TMED5: variants seen among roughly 807,000 people sequenced by gnomAD.
TMED5 encodes the protein transmembrane emp24 domain-containing protein 5.
A neutral mutation model predicts 23.0 loss-of-function variants in TMED5; 27 were observed. The ratio of observed to expected loss-of-function variants is 1.17; its 90% confidence interval spans 0.86 to 1.62. The LOEUF (loss-of-function observed/expected upper bound fraction) is 1.62, where lower values mean the gene tolerates loss of function less well. Ranked by LOEUF, TMED5 falls within the 40% of genes most tolerant of loss-of-function variation. The probability of loss-of-function intolerance (pLI) is 0.00; values close to 1 mark genes in which losing one functional copy is unlikely to be tolerated. For synonymous variants in TMED5, 97 were observed against 100.8 expected (o/e 0.96, Z 0.23); for missense variants, 248 against 273.7 (o/e 0.91, Z 0.66).
At chr1:93,159,919 C>T (rs887246713) in intron 2 of TMED5, among the ~76,000 whole-genome samples, 5 of 152,078 alleles carry the variant, frequency 3.3e-5, no homozygotes, top group African/African-American at 1.2e-4. Flanking sequence ...AAAAATTTAG[C>T]CTGGATCAAA....
chr1:93,176,749 T>C (rs1056088642), intron 1 of TMED5, among the ~76,000 whole-genome samples: 1 of 152,206 alleles, frequency 6.6e-6, no homozygotes, highest in Admixed American at 6.5e-5. Flanking sequence ...CAGGCTGGTG[T>C]GAAACGCCTG....
chr1:93,160,321 C>T, intron 1 of TMED5, 95 bp from the exon 2 acceptor site: 2 of 683,136 alleles, frequency 2.9e-6, no homozygotes, highest in East Asian at 5.5e-5. Context: ...ATTATCTAAG[C>T]TAGAGAGGTA....
chr1:93,171,404 A>G (rs552968249), intron 1 of TMED5, among the ~76,000 whole-genome samples: 15 of 152,374 alleles, frequency 9.8e-5, no homozygotes, highest in African/African-American at 3.6e-4. Flanking sequence ...GAACCCGCCA[A>G]TTCCGGACAC....
At chr1:93,159,172 C>T (rs2101131773) in intron 2 of TMED5, among the ~76,000 whole-genome samples, 1 of 152,154 alleles carries the variant, frequency 6.6e-6, no homozygotes, top group East Asian at 1.9e-4. Context: ...CTAGTTCTTA[C>T]AATAGTGTTA....
chr1:93,167,100 A>ATC (rs1648538094), intron 1 of TMED5, among the ~76,000 whole-genome samples: 2 of 152,134 alleles, frequency 1.3e-5, no homozygotes, highest in African/African-American at 4.8e-5. Flanking sequence ...TAGGTTCTCT[A>ATC]TTATGTTACA....
intron 2 of TMED5, chr1:93,158,903 G>T: frequency 1.1e-6 from 1 of 932,528 alleles, no homozygotes; most frequent in Non-Finnish European, 1.3e-6. Flanking sequence ...AGAGAAAACA[G>T]TTAATTCCAA....
intron 1 of TMED5, among the ~76,000 whole-genome samples, chr1:93,168,911 T>C (rs974392191): frequency 3.3e-5 from 5 of 152,186 alleles, no homozygotes; most frequent in Non-Finnish European, 7.3e-5. Context: ...CCAATGCTTA[T>C]GTGTATACAC....
In TMED5 at chr1:93,153,509, A is replaced by G. The variant is rs973351588; in HGVS notation, c.*1161T>C. On this transcript the variant is annotated 3_prime_UTR_variant, in exon 4 of 4. Coordinates refer to ENST00000370282, the MANE Select transcript of TMED5 (RefSeq NM_016040.5). The stretch of plus-strand genomic sequence containing the variant: ...TTGTAGAAAATAAAAACCTACAGCC[A>G]AAGTTTCTTCCAGCTAACTGGAAAT... 6.6e-6 allele frequency: 1 copy of G among 152,158 alleles called. No homozygotes were observed. Among genetic ancestry groups the G allele is most frequent in the African/African-American group, 2.4e-5 (1 of 41,464 alleles). The allele number at this position is 152,158 out of a possible 1,614,324, so 9.4% of individuals were successfully genotyped here.
intron 1 of TMED5, among the ~76,000 whole-genome samples, chr1:93,175,173 ATT>A (rs1223422846): frequency 4.1e-5 from 3 of 72,538 alleles, no homozygotes; most frequent in East Asian, 5.4e-4. Context: ...CTTAAAAGCC[ATT>A]TATATATATA....
At chr1:93,158,319 G>C (rs1222130600) in intron 2 of TMED5, among the ~76,000 whole-genome samples, 1 of 152,018 alleles carries the variant, frequency 6.6e-6, no homozygotes, top group African/African-American at 2.4e-5. Context: ...AAAAAAATTA[G>C]TACATGAAAA....
chr1:93,179,943 C>T, intron 1 of TMED5, 111 bp downstream of exon 1: 1 of 1,242,270 alleles, frequency 8.0e-7, no homozygotes, highest in Non-Finnish European at 1.1e-6. Context: ...CTGAACGGCC[C>T]TCGCCTCTTC....
intron 1 of TMED5, among the ~76,000 whole-genome samples, chr1:93,171,024 C>G (rs1004668325): frequency 1.3e-5 from 2 of 152,194 alleles, no homozygotes; most frequent in African/African-American, 4.8e-5. Flanking sequence ...TCCCCTTGTA[C>G]ACTGTGGAAG....
rs1647930395 is a variant in TMED5, at chr1:93,152,961, C to A, written c.*1709G>T. The A allele has an allele frequency of 1.3e-5, 2 of 152,492 alleles. No homozygotes were observed. Among genetic ancestry groups the A allele is most frequent in the South Asian group, 4.1e-4 (2 of 4,826 alleles). 9.4% of individuals were successfully genotyped at this position (152,492 alleles called of 1,614,324 possible). On this transcript the variant is annotated 3_prime_UTR_variant, in exon 4 of 4. Transcript: ENST00000370282. ...TTAAAAACCTTGCCAGTAGGGAAATCTAAGCTGCTCTTCTCCCAGGGGCCT... is the reference window on the plus strand; with the variant it reads ...TTAAAAACCTTGCCAGTAGGGAAATATAAGCTGCTCTTCTCCCAGGGGCCT...
chr1:93,171,884 A>G (rs4589125), intron 1 of TMED5, among the ~76,000 whole-genome samples: 8 of 152,368 alleles, frequency 5.3e-5, no homozygotes, highest in Admixed American at 3.3e-4. Context: ...TGTTCCAAGT[A>G]TATAAGCCTG....
At position 93,154,826 on chromosome 1, in the gene TMED5, T is replaced by A; in HGVS notation, c.534A>T (p.Arg178Ser). 1 of 1,614,144 alleles carries A rather than the reference T, an allele frequency of 6.2e-7. No individual in the cohort carries two copies. Among genetic ancestry groups the A allele is most frequent in the Non-Finnish European group, 8.5e-7 (1 of 1,179,976 alleles). ...TGTTTCGATCACGAGCTTCAAATGCTCTAAGCAGAGTTTGTATGTGCCCAC... is the reference window on the plus strand; with the variant it reads ...TGTTTCGATCACGAGCTTCAAATGCACTAAGCAGAGTTTGTATGTGCCCAC... ...SKSGHIQTLL[R>S]AFEARDRNIQ... is the part of the protein sequence containing the mutation. The change falls in exon 4 of 4, where the codon AGA (arginine) becomes AGT (serine). Residue 178 changes from arginine (R) to serine (S), a missense_variant. Arg to Ser is a moderately radical substitution (Grantham distance 110, BLOSUM62 -1). Transcript: ENST00000370282.
intron 2 of TMED5, among the ~76,000 whole-genome samples, chr1:93,157,454 G>A (rs1250181913): frequency 6.6e-6 from 1 of 152,184 alleles, no homozygotes; most frequent in Non-Finnish European, 1.5e-5. Flanking sequence ...GCAGGGCCAG[G>A]TGCGGTGGCT....
In TMED5 at chr1:93,180,288, G is replaced by T; in HGVS notation, c.-46C>A. 1 of 1,552,668 alleles carries T rather than the reference G, an allele frequency of 6.4e-7. No homozygotes were observed. On this transcript the variant is annotated 5_prime_UTR_variant, in exon 1 of 4. Transcript: ENST00000370282. ...GCTGAAAGAGGCGTCAGGTACTGTT[G>T]TCTCCGCTCCGCGTTTCCTCTCTGG...
At chr1:93,170,189 C>T (rs541357971) in intron 1 of TMED5, among the ~76,000 whole-genome samples, 1 of 152,362 alleles carries the variant, frequency 6.6e-6, no homozygotes, top group South Asian at 2.1e-4. Flanking sequence ...CCCTTCAGCC[C>T]GCCGCTGCAC....
intron 1 of TMED5, among the ~76,000 whole-genome samples, chr1:93,168,679 C>CA (rs1252395022): frequency 3.3e-5 from 5 of 151,778 alleles, no homozygotes; most frequent in African/African-American, 1.2e-4. Context: ...GCTAAAAATA[C>CA]AAAAAATGAG....
Sources: gnomAD v4.1 joint callset for allele counts (sites outside exome capture counted in the v4.1 genomes callset) on GRCh38, gnomAD v4.1.1 for gene constraint, MANE v1.5 for transcripts, NCBI Gene and HGNC (gene_info 2026-07-23, HGNC 2026-07-21) for gene names.